Variants in RBMS3 observed in about 807,000 individuals in gnomAD.
RBMS3 encodes RNA-binding motif, single-stranded-interacting protein 3.
In RBMS3, 27 loss-of-function variants were observed where a neutral mutation model predicts 66.8. That is an observed-to-expected ratio of 0.40 (90% CI 0.30 to 0.56). The LOEUF is 0.56. RBMS3 is among the 20% of genes least tolerant of loss of function. RBMS3 has a pLI of 0.40. For missense variants in RBMS3, 513 were observed against 549.5 expected (o/e 0.93, Z 0.66); for synonymous variants, 188 against 183.0 (o/e 1.03, Z -0.22).
chr3:29,582,038 C>A (rs576074799), intron 3 of RBMS3, among the ~76,000 whole-genome samples: 4 of 152,126 alleles, frequency 2.6e-5, no homozygotes, highest in Non-Finnish European at 4.4e-5. Flanking sequence ...TGGATTGTCA[C>A]GCAGTGGTTC....
intron 4 of RBMS3, chr3:29,615,090 T>C (rs1168657187): frequency 6.6e-6 from 1 of 152,484 alleles, no homozygotes; most frequent in Non-Finnish European, 1.5e-5. Flanking sequence ...AGCACATTAA[T>C]AGCAGATCTT....
At chr3:29,655,279 G>T (rs72846055) in intron 4 of RBMS3, among the ~76,000 whole-genome samples, 3,132 of 152,228 alleles carry the variant, frequency 0.021, 83 homozygotes, top group Admixed American at 0.063. Context: ...TTAGCTCCCC[G>T]TCTGCAGGGA....
At chr3:29,960,830 T>C (rs914970927) in intron 12 of RBMS3, among the ~76,000 whole-genome samples, 3 of 152,122 alleles carry the variant, frequency 2.0e-5, no homozygotes, top group Non-Finnish European at 4.4e-5. Flanking sequence ...CAGAAGTCAC[T>C]AAGTCCTAGG....
intron 4 of RBMS3, among the ~76,000 whole-genome samples, chr3:29,648,872 G>A (rs1220792221): frequency 6.6e-6 from 1 of 152,078 alleles, no homozygotes; most frequent in African/African-American, 2.4e-5. Context: ...AGGCATATGA[G>A]CTAATTCATG....
At chr3:29,478,826 G>C (rs2043036829) in intron 2 of RBMS3, among the ~76,000 whole-genome samples, 1 of 152,194 alleles carries the variant, frequency 6.6e-6, no homozygotes, top group Non-Finnish European at 1.5e-5. Flanking sequence ...ATATTGTGAA[G>C]CCATAAGCTG....
intron 4 of RBMS3, among the ~76,000 whole-genome samples, chr3:29,676,522 C>T (rs2051259054): frequency 6.6e-6 from 1 of 152,208 alleles, no homozygotes; most frequent in Non-Finnish European, 1.5e-5. Context: ...ACTGCTTCTA[C>T]ATTCAGTTTT....
chr3:29,529,681 G>T (rs1025592105), intron 3 of RBMS3, among the ~76,000 whole-genome samples: 2 of 152,084 alleles, frequency 1.3e-5, no homozygotes, highest in Non-Finnish European at 2.9e-5. Context: ...GAGCACTATA[G>T]ATGTGAGTGT....
intron 4 of RBMS3, among the ~76,000 whole-genome samples, chr3:29,716,781 T>TA (rs1373841609): frequency 6.6e-6 from 1 of 152,186 alleles, no homozygotes; most frequent in Non-Finnish European, 1.5e-5. Context: ...CTGTCCCACT[T>TA]ACGCTGATAG....
At chr3:29,942,888 TA>T (rs2149701716) in intron 11 of RBMS3, among the ~76,000 whole-genome samples, 2 of 151,566 alleles carry the variant, frequency 1.3e-5, no homozygotes, top group East Asian at 2.0e-4. Context: ...TACTATTATT[TA>T]AAAAATTGGA....
intron 4 of RBMS3, among the ~76,000 whole-genome samples, chr3:29,655,665 A>G (rs1219589080): frequency 6.6e-6 from 1 of 152,214 alleles, no homozygotes; most frequent in African/African-American, 2.4e-5. Flanking sequence ...AGATTATGTT[A>G]TTGGTTGACA....
At chr3:29,701,881 GCGC>G (rs201041678) in intron 4 of RBMS3, among the ~76,000 whole-genome samples, 14,596 of 152,080 alleles carry the variant, frequency 0.096, 2,263 homozygotes, top group African/African-American at 0.33. Flanking sequence ...CTGCTCCACG[GCGC>G]CGCCCGGTCC....
intron 3 of RBMS3, among the ~76,000 whole-genome samples, chr3:29,546,108 TTGTGTGTGTGTGTGTGTGTG>T (rs71091070): frequency 5.5e-5 from 8 of 146,044 alleles, no homozygotes; most frequent in Middle Eastern, 3.5e-3. Context: ...TGAGACGGGT[TTGTGTGTGTGTGTGTGTGTG>T]TGTGTGTGTG....
At chr3:29,787,011 T>C (rs151320306) in intron 6 of RBMS3, among the ~76,000 whole-genome samples, 1,950 of 152,048 alleles carry the variant, frequency 0.013, 42 homozygotes, top group African/African-American at 0.045. Flanking sequence ...CATCAAAAAG[T>C]GGCCTAAGGA....
intron 4 of RBMS3, among the ~76,000 whole-genome samples, chr3:29,658,571 A>G (rs2050408226): frequency 6.6e-6 from 1 of 152,216 alleles, no homozygotes; most frequent in Non-Finnish European, 1.5e-5. Context: ...GAAGGAAAAA[A>G]TTACTCTTCG....
chr3:29,622,820 G>C (rs1483029138), intron 4 of RBMS3, among the ~76,000 whole-genome samples: 1 of 152,106 alleles, frequency 6.6e-6, no homozygotes, highest in Non-Finnish European at 1.5e-5. Context: ...TGTAAAATGG[G>C]ATTAAAAAGT....
intron 6 of RBMS3, among the ~76,000 whole-genome samples, chr3:29,822,471 T>A (rs2058098609): frequency 6.6e-6 from 1 of 152,142 alleles, no homozygotes; most frequent in Non-Finnish European, 1.5e-5. Context: ...ACTTTCTTGG[T>A]GGAATAAATG....
intron 7 of RBMS3, 26 bp downstream of exon 7, chr3:29,868,990 T>C: frequency 1.3e-6 from 2 of 1,545,598 alleles, no homozygotes; most frequent in Non-Finnish European, 1.7e-6. Context: ...TAACATTTGC[T>C]CTGAAATTTG....
chr3:29,884,754 A>C (rs538630916), intron 8 of RBMS3, among the ~76,000 whole-genome samples: 20 of 152,056 alleles, frequency 1.3e-4, no homozygotes, highest in Non-Finnish European at 2.2e-4. Context: ...AACAAGTGTG[A>C]AACTACATGG....
rs374457242 is a variant in RBMS3, at chr3:29,899,709, A to G, written c.893A>G (p.Gln298Arg). 1.9e-6 allele frequency: 3 copies of G among 1,610,430 alleles called. No homozygotes were observed. Among genetic ancestry groups the G allele is most frequent in the Non-Finnish European group, 1.7e-6 (2 of 1,177,880 alleles). ...AASPVSTYQVQSTSWMPHPPY... is the reference protein window; with the variant it reads ...AASPVSTYQVRSTSWMPHPPY... ...TAAATGCTGTTTGATGCATAGGTCC[A>G]GAGTACTTCATGGATGCCTCATCCG... is the stretch of plus-strand genomic sequence containing the variant. The change falls in exon 10 of 15, where the codon CAG becomes CGG. Residue 298 changes from glutamine to arginine, a missense_variant. Coordinates refer to ENST00000383767, the MANE Select transcript of RBMS3 (RefSeq NM_001003793.3).
Sources: gnomAD v4.1 joint callset for allele counts (sites outside exome capture counted in the v4.1 genomes callset) on GRCh38, gnomAD v4.1.1 for gene constraint, MANE v1.5 for transcripts, NCBI Gene and HGNC (gene_info 2026-07-23, HGNC 2026-07-21) for gene names.